The following DMD variants were observed in gnomAD, a reference collection of about 807,000 sequenced individuals.
DMD encodes the protein dystrophin.
DMD carries 63 observed loss-of-function variants against 330.1 expected under a neutral mutation model. That is an observed-to-expected ratio of 0.19 (90% CI 0.16 to 0.24). The LOEUF is 0.24. Among genes scored for constraint, DMD ranks in the 10% least tolerant of loss-of-function variants. DMD has a pLI of 1.00. For synonymous variants in DMD, 1,223 were observed against 959.8 expected, an observed-to-expected ratio of 1.27 and a Z score of -5.07; for missense variants, 3,344 against 2,684.1, an observed-to-expected ratio of 1.25 and a Z score of -5.43.
At chrX:31,789,001 G>C (rs1259767252) in intron 50 of DMD, among the ~76,000 whole-genome samples, 1 of 111,093 alleles carries the variant, frequency 9.0e-6, no homozygotes, top group Non-Finnish European at 1.9e-5. Flanking sequence ...TGGGCAGCAT[G>C]TAGTTGAGTC....
intron 54 of DMD, among the ~76,000 whole-genome samples, chrX:31,654,619 G>A (rs890217320): frequency 3.6e-5 from 4 of 111,727 alleles, no homozygotes; most frequent in African/African-American, 1.3e-4. Context: ...GGACATAGAT[G>A]GATCTGGAGG....
chrX:32,748,345 C>CAAAAAA (rs776751298), intron 7 of DMD, among the ~76,000 whole-genome samples: 1 of 48,584 alleles, frequency 2.1e-5, no homozygotes, highest in Non-Finnish European at 3.9e-5. Flanking sequence ...GACTCCGTCT[C>CAAAAAA]AAAAAAAAAA....
At chrX:31,229,447 T>C (rs1209381173) in intron 63 of DMD, among the ~76,000 whole-genome samples, 7 of 111,703 alleles carry the variant, frequency 6.3e-5, no homozygotes, top group Non-Finnish European at 1.3e-4. Flanking sequence ...AATATGCCTA[T>C]CTATTAGCTA....
Position 31,352,014 on chromosome X carries a change from G to C in DMD, c.9085-3380C>G, listed in dbSNP as rs1159275179. ...TTCAAACTCATTCAGTCTGGGTCTT[G>C]CTCTTAACTGCTATCCTGAAGATTA... On this transcript the variant is annotated intron_variant, in intron 60 of 78. Coordinates refer to ENST00000357033, the MANE Select transcript of DMD (RefSeq NM_004006.3). Among the ~76,000 whole-genome samples the C allele has an allele frequency of 2.7e-5, 3 of 110,192 alleles. No homozygotes were observed. In the Admixed American group the frequency reaches 2.9e-4, roughly 11 times the overall value.
chrX:32,251,577 G>A (rs1284258446), intron 43 of DMD, among the ~76,000 whole-genome samples: 1 of 111,310 alleles, frequency 9.0e-6, no homozygotes, highest in African/African-American at 3.3e-5. Flanking sequence ...CACTTCCATT[G>A]CCATCTCAAG....
At chrX:33,013,414 T>G (rs775908767) in intron 2 of DMD, among the ~76,000 whole-genome samples, 38 of 111,639 alleles carry the variant, frequency 3.4e-4, no homozygotes, top group Non-Finnish European at 6.4e-4. Context: ...TTGCACTAAA[T>G]AATTCAATTG....
intron 30 of DMD, among the ~76,000 whole-genome samples, chrX:32,408,909 T>TATCA (rs1557338540): frequency 7.0e-5 from 7 of 100,385 alleles, no homozygotes; most frequent in Non-Finnish European, 1.2e-4. Flanking sequence ...TCTATCTATC[T>TATCA]ATCCATCCAT....
At chrX:31,126,104 C>T (rs991615900) in intron 78 of DMD, among the ~76,000 whole-genome samples, 3 of 111,547 alleles carry the variant, frequency 2.7e-5, no homozygotes, top group African/African-American at 9.8e-5. Flanking sequence ...AAAAAGATGG[C>T]AAGTGCTGAG....
At chrX:32,846,778 C>G (rs768435649) in intron 3 of DMD, among the ~76,000 whole-genome samples, 1 of 98,157 alleles carries the variant, frequency 1.0e-5, no homozygotes, top group South Asian at 5.0e-4. Flanking sequence ...GAGGCTGAGG[C>G]AGGTGGCTCA....
intron 60 of DMD, among the ~76,000 whole-genome samples, chrX:31,433,410 C>T (rs1410406322): frequency 9.1e-6 from 1 of 110,119 alleles, no homozygotes; most frequent in African/African-American, 3.3e-5. Flanking sequence ...GGGTACATAC[C>T]AAGTAATGGA....
In DMD at chrX:32,371,062, T is replaced by C. The variant is rs182727959; in HGVS notation, c.4846-5863A>G. On this transcript the variant is annotated intron_variant, in intron 34 of 78. Coordinates refer to ENST00000357033, the MANE Select transcript of DMD (RefSeq NM_004006.3). ...TACTTTTCAAGTTTCTCGGGTGATT[T>C]TGATGTGCAACCAATGTTGAAAACC... Among the ~76,000 whole-genome samples the C allele has an allele frequency of 2.7e-5, 3 of 111,094 alleles. No homozygotes were observed. The Admixed American group carries it at 2.9e-4, about 11-fold the overall frequency.
chrX:32,731,673 G>A (rs972643591), intron 7 of DMD, among the ~76,000 whole-genome samples: 4 of 111,592 alleles, frequency 3.6e-5, no homozygotes, highest in African/African-American at 1.3e-4. Context: ...ACACGGCAGG[G>A]TACTCCAACA....
chrX:33,208,767 A>T (rs975207206), intron 1 of DMD, among the ~76,000 whole-genome samples: 4 of 111,008 alleles, frequency 3.6e-5, no homozygotes, highest in Non-Finnish European at 5.7e-5. Flanking sequence ...GAGTTGATGA[A>T]AAAGTATGAT....
intron 16 of DMD, among the ~76,000 whole-genome samples, chrX:32,558,626 CCA>C (rs2050595500): frequency 9.0e-6 from 1 of 111,319 alleles, no homozygotes; most frequent in Admixed American, 9.6e-5. Context: ...ACTAAGTACT[CCA>C]GAGTTTCACA....
chrX:31,725,726 C>G (rs757288816), intron 52 of DMD, among the ~76,000 whole-genome samples: 2 of 111,509 alleles, frequency 1.8e-5, no homozygotes, highest in African/African-American at 6.5e-5. Flanking sequence ...TGTATAGCCC[C>G]GAAATGGTAG....
chrX:32,331,123 A>T (rs773548168), intron 41 of DMD, among the ~76,000 whole-genome samples: 1 of 111,953 alleles, frequency 8.9e-6, no homozygotes, highest in South Asian at 3.7e-4. Context: ...GTAAAAATTT[A>T]GTCTTGCATA....
rs796897335 is a variant in DMD, at chrX:33,009,466, A to G, written c.93+10673T>C. The stretch of plus-strand genomic sequence containing the variant: ...CATATGTATGTATGTGTATACACAT[A>G]TGTGTGTATGTGTATACACATGTGT... On this transcript the variant is annotated intron_variant, in intron 2 of 78. Coordinates refer to ENST00000357033, the MANE Select transcript of DMD (RefSeq NM_004006.3). Among the ~76,000 whole-genome samples the G allele has an allele frequency of 1.9e-4, 8 of 42,805 alleles. 1 individual carries two copies. Among genetic ancestry groups the G allele is most frequent in the East Asian group, 1.2e-3 (1 of 857 alleles). The allele number at this position is 42,805 out of a possible 115,157, so 37.2% of individuals were successfully genotyped here. A position where few individuals can be genotyped will look rare whatever the true frequency, so the allele number is the denominator to read the frequency against.
rs779269427 is a variant in DMD, at chrX:32,390,230, T to A, written c.4234-49A>T. 5 of 961,373 alleles carry A rather than the reference T, an allele frequency of 5.2e-6. No individual in the cohort carries two copies. The East Asian group carries it at 1.5e-4, about 30-fold the overall frequency. The allele number at this position is 961,373 out of a possible 1,213,427, so 79.2% of individuals were successfully genotyped here. ...GTCAGCATGCTCTACAAAGAACAAC[T>A]AACTTTCCAAGAAGACGAAATTCAG... On this transcript the variant is annotated intron_variant, in intron 30 of 78. Transcript: ENST00000357033.
intron 60 of DMD, among the ~76,000 whole-genome samples, chrX:31,394,962 ACCAAGTGTG>A (rs2060855878): frequency 9.2e-6 from 1 of 108,757 alleles, no homozygotes; most frequent in Admixed American, 9.8e-5. Flanking sequence ...AGAGAGAGAG[ACCAAGTGTG>A]GTGAGAAGAC....
Sources: gnomAD v4.1 joint callset for allele counts (sites outside exome capture counted in the v4.1 genomes callset) on GRCh38, gnomAD v4.1.1 for gene constraint, MANE v1.5 for transcripts, NCBI Gene and HGNC (gene_info 2026-07-23, HGNC 2026-07-21) for gene names.